Variants in GFPT1 observed in about 807,000 individuals in gnomAD.
GFPT1 encodes glutamine--fructose-6-phosphate aminotransferase [isomerizing] 1.
GFPT1 carries 40 observed loss-of-function variants against 92.0 expected under a neutral mutation model. The observed-to-expected ratio is 0.43, with a 90% CI of 0.34 to 0.57. The LOEUF (loss-of-function observed/expected upper bound fraction) is 0.57. GFPT1 is among the 20% of genes least tolerant of loss of function. GFPT1 has a pLI of 0.02. For missense variants in GFPT1, 448 were observed against 869.1 expected (o/e 0.52, Z 6.09); for synonymous variants, 269 against 280.6 (o/e 0.96, Z 0.41).
At chr2:69,337,522 G>A (rs937893854) in intron 15 of GFPT1, among the ~76,000 whole-genome samples, 32 of 152,154 alleles carry the variant, frequency 2.1e-4, no homozygotes, top group Non-Finnish European at 8.8e-5. Context: ...TCAAATTCCA[G>A]ACTATACTTC....
Position 69,338,556 on chromosome 2 carries a change from C to A in GFPT1, c.1213G>T (p.Val405Phe). The A allele has an allele frequency of 6.2e-7, 1 of 1,614,020 alleles. No homozygotes were observed. Among genetic ancestry groups the A allele is most frequent in the Non-Finnish European group, 8.5e-7 (1 of 1,179,878 alleles). Residue 405 changes from valine to phenylalanine, a missense_variant, in exon 14 of 20, where the codon GTT (valine) becomes TTT (phenylalanine). Physicochemically the swap from Val to Phe is conservative, Grantham distance 50 (BLOSUM62 -1). This residue lies in a region of GFPT1 where 121 missense variants were observed against 304.3 expected (regional missense o/e 0.40). Coordinates refer to ENST00000357308, the MANE Select transcript of GFPT1 (RefSeq NM_001244710.2). ...SYHAGVATRQ[V>F]LEELTELPVM... ...GGCAACTCAGTCAGCTCCTCAAGAA[C>A]TTGACGTGTCTGCAGAGAAAATATG...
chr2:69,332,301 T>C (rs1360826722), intron 15 of GFPT1, among the ~76,000 whole-genome samples: 1 of 150,902 alleles, frequency 6.6e-6, no homozygotes, highest in Admixed American at 6.6e-5. Flanking sequence ...TTTCTAGTCT[T>C]TCTTTTCTTT....
chr2:69,357,741 G>C (rs926130426), intron 6 of GFPT1, among the ~76,000 whole-genome samples: 2 of 152,156 alleles, frequency 1.3e-5, no homozygotes. Context: ...GTAGATCTTT[G>C]ATGTCTTTAA....
Position 69,326,926 on chromosome 2 carries a change from C to G in GFPT1, c.2043G>C (p.Leu681=), listed in dbSNP as rs766101867. 3.1e-6 allele frequency: 5 copies of G among 1,614,108 alleles called. No homozygotes were observed. Among genetic ancestry groups the G allele is most frequent in the East Asian group, 4.5e-5 (2 of 44,904 alleles). The stretch of plus-strand genomic sequence containing the variant: ...GTAGATGACTTACATCATAGCCTCT[C>G]AGCACAGCAAGGTGGAAAGCCAGCA... ...LQLLAFHLAV[L]RGYDVDFPRN... Residue 681 remains leucine (L), a synonymous_variant, in exon 19 of 20, where the codon CTG becomes CTC. Coordinates refer to ENST00000357308, the MANE Select transcript of GFPT1 (RefSeq NM_001244710.2).
At chr2:69,328,138 C>A in intron 18 of GFPT1, 133 bp downstream of exon 18, 1 of 682,150 alleles carries the variant, frequency 1.5e-6, no homozygotes, top group Non-Finnish European at 2.7e-6. Context: ...TGATTCCTCA[C>A]ATGTAAACCT....
intron 1 of GFPT1, among the ~76,000 whole-genome samples, chr2:69,381,556 C>CT (rs113920856): frequency 0.014 from 1,929 of 140,628 alleles, 29 homozygotes; most frequent in African/African-American, 0.042. Flanking sequence ...CTACTTGTAA[C>CT]TTTTTTTTTT....
At chr2:69,338,422 T>C (rs770595095) in intron 14 of GFPT1, 23 bp downstream of exon 14, 1 of 1,594,310 alleles carries the variant, frequency 6.3e-7, no homozygotes, top group South Asian at 1.1e-5. Flanking sequence ...TTCCTTCCTT[T>C]TAAGTCTTTA....
chr2:69,370,130 A>C (rs752638255), intron 2 of GFPT1, 22 bp from the exon 3 acceptor site: 2 of 1,470,294 alleles, frequency 1.4e-6, no homozygotes, highest in South Asian at 2.3e-5. Flanking sequence ...TGAGGTAAAA[A>C]AGCAAAATTT....
At chr2:69,343,257 A>G (rs1367735050) in intron 12 of GFPT1, among the ~76,000 whole-genome samples, 1 of 152,180 alleles carries the variant, frequency 6.6e-6, no homozygotes, top group Non-Finnish European at 1.5e-5. Flanking sequence ...CCCACCAAGT[A>G]AATATAGTGG....
intron 14 of GFPT1, among the ~76,000 whole-genome samples, 178 bp downstream of exon 14, chr2:69,338,267 C>A (rs1179393903): frequency 1.3e-5 from 2 of 152,088 alleles, no homozygotes; most frequent in African/African-American, 2.4e-5. Context: ...GCTCTTTGAA[C>A]ACAAAAGGTG....
At chr2:69,372,522 G>A (rs1352141013) in intron 2 of GFPT1, among the ~76,000 whole-genome samples, 18 of 151,074 alleles carry the variant, frequency 1.2e-4, no homozygotes, top group African/African-American at 2.2e-4. Flanking sequence ...ACAGTCAGCC[G>A]AGATCGCACC....
At position 69,386,982 on chromosome 2, in the gene GFPT1, GC is replaced by G; in HGVS notation, c.7+82del. On this transcript the variant is annotated intron_variant, in intron 1 of 19. Transcript: ENST00000357308. ...TCGCACCCTCCACACTCCCGCTTCC[GC>G]CCGTCGCCTTGGGCCTTAGCGGCAC... 5.5e-6 allele frequency: 6 copies of G among 1,092,620 alleles called. No individual in the cohort carries two copies. In the South Asian group the frequency reaches 8.0e-5, roughly 14 times the overall value. The allele number at this position is 1,092,620 out of a possible 1,614,324, so 67.7% of individuals were successfully genotyped here. A position where few individuals can be genotyped will look rare whatever the true frequency, so the allele number is the denominator to read the frequency against.
At chr2:69,375,684 T>C (rs188869473) in intron 1 of GFPT1, among the ~76,000 whole-genome samples, 1 of 152,316 alleles carries the variant, frequency 6.6e-6, no homozygotes, top group Admixed American at 6.5e-5. Flanking sequence ...AGCTTTCCTG[T>C]AATGTACAGT....
intron 13 of GFPT1, among the ~76,000 whole-genome samples, chr2:69,339,640 C>T (rs1428350730): frequency 6.6e-6 from 1 of 152,176 alleles, no homozygotes; most frequent in East Asian, 1.9e-4. Flanking sequence ...AGTGGCCCTC[C>T]CCATCTCTCA....
chr2:69,332,356 A>T (rs1357732597), intron 15 of GFPT1, among the ~76,000 whole-genome samples: 2 of 134,412 alleles, frequency 1.5e-5, no homozygotes, highest in African/African-American at 5.7e-5. Context: ...CTTGTTGCCC[A>T]GGCTGGATTG....
intron 4 of GFPT1, among the ~76,000 whole-genome samples, 170 bp downstream of exon 4, chr2:69,363,375 A>G (rs1671522790): frequency 6.6e-6 from 1 of 152,126 alleles, no homozygotes; most frequent in Admixed American, 6.6e-5. Flanking sequence ...AAGTGCTGGG[A>G]TTACAGGCAT....
intron 9 of GFPT1, among the ~76,000 whole-genome samples, chr2:69,351,321 T>C (rs757359133): frequency 2.4e-4 from 37 of 152,148 alleles, no homozygotes; most frequent in Non-Finnish European, 4.1e-4. Context: ...TGGCCTTATA[T>C]AGGAAAAAAA....
In GFPT1 at chr2:69,338,071, G is replaced by C; in HGVS notation, c.1325-16C>G. 2 of 1,613,208 alleles carry C rather than the reference G, an allele frequency of 1.2e-6. No homozygotes were observed. The highest frequency in any genetic ancestry group is 2.2e-5 in the South Asian group (2 of 91,060). ...GCTGTCTCACCTGTGTAAAAAGTAG[G>C]CCAACCATAACACACAGAACAGTTT... On this transcript the variant is annotated splice_polypyrimidine_tract_variant and intron_variant, in intron 14 of 19. Coordinates refer to ENST00000357308, the MANE Select transcript of GFPT1 (RefSeq NM_001244710.2).
chr2:69,345,800 T>C (rs909314341), intron 12 of GFPT1, 104 bp downstream of exon 12: 7 of 736,700 alleles, frequency 9.5e-6, no homozygotes, highest in African/African-American at 5.3e-5. Context: ...CTGGCAGCTG[T>C]AGTTGTTCTA....
Sources: gnomAD v4.1 joint callset for allele counts (sites outside exome capture counted in the v4.1 genomes callset) on GRCh38, gnomAD v4.1.1 for gene constraint, gnomAD v4.1.1 regional missense constraint, MANE v1.5 for transcripts, NCBI Gene and HGNC (gene_info 2026-07-23, HGNC 2026-07-21) for gene names.